The following EPHA5 variants were observed in gnomAD, a reference collection of about 807,000 sequenced individuals.
The protein encoded by EPHA5 is ephrin type-A receptor 5.
Under a neutral mutation model 105.0 loss-of-function variants are expected in EPHA5, and 60 were observed. The observed-to-expected ratio is 0.57, with a 90% CI of 0.46 to 0.71. EPHA5 has a LOEUF of 0.71. EPHA5 is among the 30% of genes least tolerant of loss of function. EPHA5 has a pLI of 0.00. For synonymous variants in EPHA5, 513 were observed against 449.1 expected (o/e 1.14, Z -1.80); for missense variants, 1,218 against 1,274.7 (o/e 0.96, Z 0.68).
chr4:65,422,455 T>C (rs1349747451), intron 5 of EPHA5, among the ~76,000 whole-genome samples: 2 of 152,100 alleles, frequency 1.3e-5, no homozygotes, highest in Non-Finnish European at 2.9e-5. Context: ...CTCTGCCTGC[T>C]CAACCTTTTA....
chr4:65,465,558 AGGAAG>A, intron 5 of EPHA5, among the ~76,000 whole-genome samples: 8 of 139,560 alleles, frequency 5.7e-5, no homozygotes, highest in African/African-American at 1.8e-4. Context: ...AAGGAAGGAA[AGGAAG>A]GAAAGGAAGG....
At chr4:65,655,039 C>A (rs772047266) in intron 1 of EPHA5, among the ~76,000 whole-genome samples, 1 of 151,006 alleles carries the variant, frequency 6.6e-6, no homozygotes. Context: ...ATTCATTTTT[C>A]TTTTGCACAG....
intron 3 of EPHA5, among the ~76,000 whole-genome samples, chr4:65,545,276 T>C (rs940844229): frequency 1.3e-5 from 2 of 151,872 alleles, no homozygotes; most frequent in African/African-American, 4.8e-5. Context: ...CCCCTGCTTA[T>C]ATAGTCTGGA....
intron 13 of EPHA5, among the ~76,000 whole-genome samples, chr4:65,348,699 A>C (rs199972733): frequency 4.8e-5 from 1 of 21,032 alleles, no homozygotes; most frequent in Non-Finnish European, 1.1e-4. Context: ...TATATATATA[A>C]AATATATATG....
chr4:65,501,169 A>C (rs1229059963), intron 3 of EPHA5, among the ~76,000 whole-genome samples: 4 of 151,528 alleles, frequency 2.6e-5, no homozygotes, highest in Non-Finnish European at 5.9e-5. Flanking sequence ...AACATGTCAT[A>C]TTTTATATAG....
intron 6 of EPHA5, among the ~76,000 whole-genome samples, chr4:65,419,702 G>T (rs905449028): frequency 2.6e-4 from 39 of 152,074 alleles, no homozygotes; most frequent in Non-Finnish European, 4.6e-4. Flanking sequence ...ACTCATGGTG[G>T]CTACATCTCT....
intron 1 of EPHA5, among the ~76,000 whole-genome samples, chr4:65,657,253 A>G (rs1749159196): frequency 6.6e-6 from 1 of 152,178 alleles, no homozygotes; most frequent in African/African-American, 2.4e-5. Context: ...AATTTAAACC[A>G]TTTAGAAACA....
At chr4:65,547,679 C>T (rs968255754) in intron 3 of EPHA5, among the ~76,000 whole-genome samples, 24 of 152,022 alleles carry the variant, frequency 1.6e-4, no homozygotes, top group Non-Finnish European at 3.5e-4. Context: ...TTTTGAGAAA[C>T]TTTCCCTAGG....
rs1731272091 is a variant in EPHA5 at position 65,490,303 on chromosome 4, C to A, written c.1402+74G>T. 3 of 1,412,806 alleles carry A rather than the reference C, an allele frequency of 2.1e-6. No homozygotes were observed. In the South Asian group the frequency reaches 3.8e-5, roughly 18 times the overall value. 87.5% of individuals were successfully genotyped at this position (1,412,806 alleles called of 1,614,324 possible). ...AAATTCTCACACAGATTTCAGTCAA[C>A]TTGGCCGTCAGCTATGGAAATAATT... On this transcript the variant is annotated intron_variant, in intron 5 of 16. Coordinates refer to ENST00000613740, the MANE Select transcript of EPHA5 (RefSeq NM_001281766.3).
chr4:65,556,119 G>A (rs967060479), intron 3 of EPHA5, among the ~76,000 whole-genome samples: 22 of 152,108 alleles, frequency 1.4e-4, no homozygotes, highest in African/African-American at 4.3e-4. Flanking sequence ...TAAAATATCA[G>A]TAGCCAGTTC....
chr4:65,420,405 A>G (rs1723830059), intron 6 of EPHA5, 36 bp downstream of exon 6: 1 of 1,522,814 alleles, frequency 6.6e-7, no homozygotes, highest in Non-Finnish European at 8.8e-7. Context: ...GAAAAAAAAA[A>G]GAAAGTGAGG....
chr4:65,480,932 G>A (rs930462584), intron 5 of EPHA5, among the ~76,000 whole-genome samples: 1 of 152,006 alleles, frequency 6.6e-6, no homozygotes, highest in African/African-American at 2.4e-5. Flanking sequence ...TTAAGGAAAT[G>A]GGAATATAGG....
At chr4:65,444,863 C>T (rs1186987284) in intron 5 of EPHA5, among the ~76,000 whole-genome samples, 1 of 151,894 alleles carries the variant, frequency 6.6e-6, no homozygotes, top group African/African-American at 2.4e-5. Flanking sequence ...TCTTTTATCC[C>T]TAGTCTTTTC....
intron 5 of EPHA5, among the ~76,000 whole-genome samples, chr4:65,475,705 C>A (rs1729729954): frequency 6.6e-6 from 1 of 152,162 alleles, no homozygotes; most frequent in Admixed American, 6.5e-5. Flanking sequence ...AATAACTGAG[C>A]TGCTCTGATT....
intron 5 of EPHA5, among the ~76,000 whole-genome samples, chr4:65,436,211 T>G (rs2149075012): frequency 6.6e-6 from 1 of 152,154 alleles, no homozygotes; most frequent in African/African-American, 2.4e-5. Context: ...AAAATAGAAC[T>G]TGGGGAATCA....
intron 2 of EPHA5, among the ~76,000 whole-genome samples, chr4:65,639,738 C>T (rs1435003747): frequency 6.6e-6 from 1 of 152,096 alleles, no homozygotes; most frequent in Non-Finnish European, 1.5e-5. Context: ...TTCCACCGAT[C>T]TCTAAGTTTC....
intron 5 of EPHA5, among the ~76,000 whole-genome samples, chr4:65,422,828 AATAAG>A (rs1199923090): frequency 6.6e-6 from 1 of 152,058 alleles, no homozygotes; most frequent in Non-Finnish European, 1.5e-5. Flanking sequence ...TTTATAGAAA[AATAAG>A]ATAATAGCAT....
At position 65,427,165 on chromosome 4, in the gene EPHA5, T is replaced by C. The variant is rs191844496; in HGVS notation, c.1403-6600A>G. 3.1e-3 allele frequency among the ~76,000 whole-genome samples: 466 copies of C among 149,954 alleles called. 3 individuals carry two copies. The highest frequency in any genetic ancestry group is 5.3e-3 in the Non-Finnish European group (356 of 67,672). ...TTATATGTATAAGTATGTTTAGTAA[T>C]TATAAAACTCGAGTGTATTCTTTTT... On this transcript the variant is annotated intron_variant, in intron 5 of 16. Coordinates refer to ENST00000613740, the MANE Select transcript of EPHA5 (RefSeq NM_001281766.3).
intron 3 of EPHA5, among the ~76,000 whole-genome samples, chr4:65,510,969 CTCAA>C (rs774346578): frequency 6.6e-6 from 1 of 151,940 alleles, no homozygotes. Flanking sequence ...AGGATGAGCC[CTCAA>C]TCAATCAATC....
Sources: gnomAD v4.1 joint callset for allele counts (sites outside exome capture counted in the v4.1 genomes callset) on GRCh38, gnomAD v4.1.1 for gene constraint, MANE v1.5 for transcripts, NCBI Gene and HGNC (gene_info 2026-07-23, HGNC 2026-07-21) for gene names.